ADAMTS17: variants seen among roughly 807,000 people sequenced by gnomAD.
ADAMTS17 encodes the protein A disintegrin and metalloproteinase with thrombospondin motifs 17.
In ADAMTS17, 113 loss-of-function variants were observed where a neutral mutation model predicts 141.5. That is an observed-to-expected ratio of 0.80 (90% CI 0.69 to 0.93). The LOEUF is 0.93. Among genes scored for constraint, ADAMTS17 ranks in the 40% least tolerant of loss-of-function variants. The pLI, the probability that ADAMTS17 is intolerant of heterozygous loss-of-function variation, is 0.00. For synonymous variants in ADAMTS17, 768 were observed against 630.6 expected, an observed-to-expected ratio of 1.22 and a Z score of -3.27; for missense variants, 1,659 against 1,517.9, an observed-to-expected ratio of 1.09 and a Z score of -1.54.
intron 7 of ADAMTS17, among the ~76,000 whole-genome samples, chr15:100,237,461 G>A (rs2042693914): frequency 6.6e-6 from 1 of 152,132 alleles, no homozygotes; most frequent in South Asian, 2.1e-4. Context: ...GGAAGAGGGT[G>A]GCTGGGCATG....
At chr15:100,227,150 C>T (rs535171958) in intron 7 of ADAMTS17, among the ~76,000 whole-genome samples, 1 of 152,314 alleles carries the variant, frequency 6.6e-6, no homozygotes, top group East Asian at 1.9e-4. Context: ...TCAGCCAGAT[C>T]TCGCTGTTCA....
At chr15:100,054,562 G>A (rs974898657) in intron 15 of ADAMTS17, among the ~76,000 whole-genome samples, 3 of 152,188 alleles carry the variant, frequency 2.0e-5, no homozygotes, top group Admixed American at 6.5e-5. Context: ...CACCTCTTAA[G>A]GATCTGATAT....
intron 15 of ADAMTS17, among the ~76,000 whole-genome samples, chr15:100,077,920 G>T (rs890478310): frequency 7.2e-5 from 11 of 151,994 alleles, no homozygotes; most frequent in African/African-American, 2.7e-4. Context: ...AGGATACAAG[G>T]CCAATATATA....
intron 13 of ADAMTS17, among the ~76,000 whole-genome samples, chr15:100,113,688 G>C (rs917676283): frequency 1.3e-5 from 2 of 152,248 alleles, no homozygotes; most frequent in Non-Finnish European, 2.9e-5. Flanking sequence ...GGAGACCACA[G>C]AGCTAAGGTC....
chr15:100,340,911 AG>A, intron 2 of ADAMTS17, 127 bp downstream of exon 2: 4 of 1,391,144 alleles, frequency 2.9e-6, no homozygotes, highest in Non-Finnish European at 3.9e-6. Context: ...GTGGAAAGGC[AG>A]GGGGTTCCCT....
At chr15:100,299,771 T>G (rs10902567) in intron 3 of ADAMTS17, among the ~76,000 whole-genome samples, 2 of 151,982 alleles carry the variant, frequency 1.3e-5, no homozygotes, top group African/African-American at 4.8e-5. Context: ...GGCCAGGCCA[T>G]TGTGTGACTA....
chr15:100,331,303 G>A (rs1053586269), intron 2 of ADAMTS17, among the ~76,000 whole-genome samples: 3 of 152,144 alleles, frequency 2.0e-5, no homozygotes, highest in African/African-American at 7.2e-5. Flanking sequence ...CATTTTCCAT[G>A]TTGGCTTTCA....
At chr15:100,252,768 C>G (rs1183977691) in intron 7 of ADAMTS17, among the ~76,000 whole-genome samples, 2 of 152,218 alleles carry the variant, frequency 1.3e-5, no homozygotes, top group African/African-American at 4.8e-5. Flanking sequence ...TGGCTGGTTG[C>G]TTCTTGACAT....
At chr15:100,232,149 T>C (rs1343730634) in intron 7 of ADAMTS17, among the ~76,000 whole-genome samples, 3 of 152,204 alleles carry the variant, frequency 2.0e-5, no homozygotes, top group Non-Finnish European at 2.9e-5. Context: ...TGGGTTGGGT[T>C]GGGGATACCT....
At chr15:100,098,040 A>G (rs1006776117) in intron 14 of ADAMTS17, among the ~76,000 whole-genome samples, 1 of 152,250 alleles carries the variant, frequency 6.6e-6, no homozygotes, top group Admixed American at 6.5e-5. Context: ...GAGCTTGAAT[A>G]AAAGATCAAA....
intron 12 of ADAMTS17, among the ~76,000 whole-genome samples, chr15:100,123,706 T>C (rs2037570128): frequency 6.6e-6 from 1 of 152,238 alleles, no homozygotes; most frequent in Non-Finnish European, 1.5e-5. Context: ...CTGCACCCTT[T>C]GGGTGAGGAA....
chr15:99,977,385 TATATATATATATATAA>T (rs1396543487), intron 20 of ADAMTS17, among the ~76,000 whole-genome samples: 3,103 of 17,606 alleles, frequency 0.18, 766 homozygotes, highest in Non-Finnish European at 0.22. Context: ...TATATATATA[TATATATATATATATAA>T]TTTTTTTTTT....
At chr15:100,203,336 G>C (rs183654804) in intron 7 of ADAMTS17, among the ~76,000 whole-genome samples, 119 of 152,238 alleles carry the variant, frequency 7.8e-4, no homozygotes, top group African/African-American at 2.8e-3. Flanking sequence ...ACTTTGGGAG[G>C]CTGAGCTGGG....
At chr15:100,113,575 T>C (rs2036924521) in intron 13 of ADAMTS17, among the ~76,000 whole-genome samples, 2 of 152,210 alleles carry the variant, frequency 1.3e-5, no homozygotes, top group South Asian at 4.1e-4. Context: ...TGGATTTACA[T>C]AAGAGGTGCC....
chr15:99,987,760 A>G (rs2060619280), intron 20 of ADAMTS17, among the ~76,000 whole-genome samples: 3 of 152,154 alleles, frequency 2.0e-5, no homozygotes, highest in Admixed American at 6.5e-5. Flanking sequence ...TCTCCAGAGA[A>G]GGCAGAGAGG....
At chr15:100,206,320 G>A (rs2041557235) in intron 7 of ADAMTS17, among the ~76,000 whole-genome samples, 1 of 152,194 alleles carries the variant, frequency 6.6e-6, no homozygotes, top group African/African-American at 2.4e-5. Flanking sequence ...AGGCTCCTGT[G>A]TGTGCACTTG....
intron 2 of ADAMTS17, among the ~76,000 whole-genome samples, chr15:100,338,388 A>G (rs1325588255): frequency 6.6e-6 from 1 of 152,176 alleles, no homozygotes; most frequent in Non-Finnish European, 1.5e-5. Flanking sequence ...CAGGCACTCA[A>G]CACTCTCTAC....
chr15:100,277,602 T>A (rs1289779772), intron 4 of ADAMTS17, among the ~76,000 whole-genome samples: 1 of 152,170 alleles, frequency 6.6e-6, no homozygotes, highest in Admixed American at 6.5e-5. Context: ...CCAGCCCTCC[T>A]CTCAGGCGTG....
chr15:100,292,089 T>TCAGCCCGTGGGGAGTCAC lies in ADAMTS17; in HGVS notation c.617-10689_617-10688insGTGACTCCCCACGGGCTG, dbSNP rs1567496735. ...GAGACGCTCAGCCCGTGGGGAGTCA[T>TCAGCCCGTGGGGAGTCAC]GAGAGACGCTCAGCCCGTGGGGAGT... is the stretch of plus-strand genomic sequence containing the variant. On this transcript the variant is annotated intron_variant, in intron 3 of 21. Coordinates refer to ENST00000268070, the MANE Select transcript of ADAMTS17 (RefSeq NM_139057.4). 3.4e-5 allele frequency among the ~76,000 whole-genome samples: 4 copies of TCAGCCCGTGGGGAGTCAC among 118,908 alleles called. 1 individual carries two copies. Among genetic ancestry groups the TCAGCCCGTGGGGAGTCAC allele is most frequent in the African/African-American group, 9.2e-5 (3 of 32,530 alleles). 78.0% of individuals were successfully genotyped at this position (118,908 alleles called of 152,430 possible).
Sources: gnomAD v4.1 joint callset for allele counts (sites outside exome capture counted in the v4.1 genomes callset) on GRCh38, gnomAD v4.1.1 for gene constraint, MANE v1.5 for transcripts, NCBI Gene and HGNC (gene_info 2026-07-23, HGNC 2026-07-21) for gene names.